Variants in SLC66A1 observed in about 807,000 individuals in gnomAD.
The protein encoded by SLC66A1 is solute carrier family 66 member 1.
A neutral mutation model predicts 33.0 loss-of-function variants in SLC66A1; 23 were observed. The observed-to-expected ratio is 0.70, with a 90% CI of 0.50 to 0.99. The LOEUF (loss-of-function observed/expected upper bound fraction) is 0.99, where lower values mean the gene tolerates loss of function less well. Ranked by LOEUF, SLC66A1 falls within the 50% of genes least tolerant of loss-of-function variation. The probability of loss-of-function intolerance (pLI) is 0.00; values close to 1 mark genes in which losing one functional copy is unlikely to be tolerated. For synonymous variants in SLC66A1, 164 were observed against 175.5 expected, an observed-to-expected ratio of 0.93 and a Z score of 0.52; for missense variants, 335 against 383.6, an observed-to-expected ratio of 0.87 and a Z score of 1.06.
chr1:19,313,182 ATCACTT>A lies in SLC66A1; in HGVS notation c.-79+294_-79+299del, dbSNP rs1558143079. 16 of 985,272 alleles carry A rather than the reference ATCACTT, an allele frequency of 1.6e-5. No homozygotes were observed. In the South Asian group the frequency reaches 7.0e-4, roughly 43 times the overall value. The allele number at this position is 985,272 out of a possible 1,614,324, so 61.0% of individuals were successfully genotyped here. A position where few individuals can be genotyped will look rare whatever the true frequency, so the allele number is the denominator to read the frequency against. On this transcript the variant is annotated intron_variant, in intron 1 of 7. Coordinates refer to ENST00000375153, the MANE Select transcript of SLC66A1 (RefSeq NM_001040125.2). ...TTTCAGATGAGAACTACGAAGCTCA[ATCACTT>A]GAGTTCCAGACTGGTAGGCATCGGG...
At chr1:19,316,175 C>T (rs1001235079) in intron 1 of SLC66A1, among the ~76,000 whole-genome samples, 8 of 152,152 alleles carry the variant, frequency 5.3e-5, no homozygotes, top group Non-Finnish European at 8.8e-5. Flanking sequence ...GTCATTGTGA[C>T]GGTGGGGAGG....
At chr1:19,321,786 C>T (rs1488264840) in intron 2 of SLC66A1, among the ~76,000 whole-genome samples, 4 of 150,304 alleles carry the variant, frequency 2.7e-5, no homozygotes, top group African/African-American at 1.0e-4. Flanking sequence ...AGGCTGGTCT[C>T]GAACTCGTGA....
intron 2 of SLC66A1, 46 bp downstream of exon 2, chr1:19,317,887 G>T (rs1287577750): frequency 1.3e-6 from 2 of 1,585,328 alleles, no homozygotes; most frequent in Non-Finnish European, 1.7e-6. Flanking sequence ...CTGTGGGGTT[G>T]AGGCAGTGGC....
At chr1:19,326,764 G>A (rs1248713766) in intron 6 of SLC66A1, 141 bp downstream of exon 6, 6 of 892,004 alleles carry the variant, frequency 6.7e-6, no homozygotes, top group Non-Finnish European at 1.0e-5. Context: ...GCTTGGGCAA[G>A]TTAATCCAAT....
At chr1:19,327,442 C>T (rs373442604) in intron 7 of SLC66A1, 30 bp downstream of exon 7, 19 of 1,568,416 alleles carry the variant, frequency 1.2e-5, no homozygotes, top group Non-Finnish European at 1.3e-5. Context: ...GGGCAGGTGG[C>T]GGGGTGTGGG....
At chr1:19,331,441 C>T (rs925603274), downstream of SLC66A1, among the ~76,000 whole-genome samples, 10 of 152,204 alleles carry the variant, frequency 6.6e-5, no homozygotes, top group Non-Finnish European at 1.2e-4. Context: ...ACCTGGCCAA[C>T]GCTGGCGGCC....
chr1:19,326,754 G>A, intron 6 of SLC66A1, 131 bp downstream of exon 6: 2 of 983,872 alleles, frequency 2.0e-6, no homozygotes, highest in Non-Finnish European at 3.0e-6. Flanking sequence ...CCCGCTGTTG[G>A]CTTGGGCAAG....
intron 4 of SLC66A1, 145 bp downstream of exon 4, chr1:19,325,727 C>A: frequency 1.4e-6 from 1 of 722,420 alleles, no homozygotes; most frequent in Non-Finnish European, 2.3e-6. Context: ...CGGGCCTTAT[C>A]TAAGAGCCTG....
At chr1:19,324,497 G>C (rs897856224) in intron 2 of SLC66A1, 136 bp from the exon 3 acceptor site, 1 of 1,097,548 alleles carries the variant, frequency 9.1e-7, no homozygotes, top group African/African-American at 1.6e-5. Context: ...CCGTGGGGAG[G>C]ATGGGCCGCC....
chr1:19,313,562 C>T (rs916551511), intron 1 of SLC66A1, among the ~76,000 whole-genome samples: 1 of 151,922 alleles, frequency 6.6e-6, no homozygotes, highest in Admixed American at 6.6e-5. Flanking sequence ...CCAGCCAGCT[C>T]TCATGGGGCA....
Position 19,324,695 on chromosome 1 carries a change from TG to T in SLC66A1, c.230del (p.Gly77AlafsTer35). The T allele has an allele frequency of 6.2e-7, 1 of 1,614,218 alleles. No homozygotes were observed. Among genetic ancestry groups the T allele is most frequent in the Non-Finnish European group, 8.5e-7 (1 of 1,180,022 alleles). ...MDQALSLWFL[L>X]GWIGGDSCNL... is the part of the protein sequence containing the mutation. ...CAGGCGCTGTCCCTGTGGTTCCTCC[TG>T]GGCTGGATTGGCGGAGACTCCTGCA... On this transcript the variant is annotated frameshift_variant, in exon 3 of 8. Transcript: ENST00000375153. LOFTEE classifies it high-confidence loss of function.
chr1:19,319,659 T>C (rs1325094369), intron 2 of SLC66A1, among the ~76,000 whole-genome samples: 1 of 145,552 alleles, frequency 6.9e-6, no homozygotes, highest in East Asian at 2.1e-4. Context: ...TGCTAGCACT[T>C]TGGGAGGCTA....
At chr1:19,325,401 G>C in intron 3 of SLC66A1, 94 bp from the exon 4 acceptor site, 1 of 831,666 alleles carries the variant, frequency 1.2e-6, no homozygotes, top group Non-Finnish European at 2.0e-6. Context: ...GACTTGGTCC[G>C]GGTCACCCAG....
chr1:19,333,570 C>A (rs1402257006), downstream of SLC66A1, among the ~76,000 whole-genome samples: 1 of 152,162 alleles, frequency 6.6e-6, no homozygotes, highest in Non-Finnish European at 1.5e-5. The surrounding 1 kb of genome is among the most constrained non-coding windows in gnomAD (Gnocchi z 4.2). Flanking sequence ...TGTGACTTGG[C>A]TTTCATCGGA....
chr1:19,314,680 A>G (rs1558144233), intron 1 of SLC66A1, among the ~76,000 whole-genome samples: 1 of 152,220 alleles, frequency 6.6e-6, no homozygotes, highest in African/African-American at 2.4e-5. Flanking sequence ...ATTCACTTCC[A>G]GGGCTGCTCA....
rs144436715 is a variant in SLC66A1 at position 19,325,887 on chromosome 1, G to A, written c.382+305G>A. On this transcript the variant is annotated intron_variant, in intron 4 of 7. Transcript: ENST00000375153. Reference sequence around the variant, plus strand: ...GCCCTGGGCTTGGAGCTGGGGAAACGAGGGCAAGTCACACAGGCTGCCTCT... The same window carrying A: ...GCCCTGGGCTTGGAGCTGGGGAAACAAGGGCAAGTCACACAGGCTGCCTCT... Among the ~76,000 whole-genome samples, 38 of 152,294 alleles carry A rather than the reference G, an allele frequency of 2.5e-4. 1 individual carries two copies. The highest frequency in any genetic ancestry group is 8.2e-4 in the African/African-American group (34 of 41,574).
chr1:19,333,621 G>C (rs553963520), downstream of SLC66A1, among the ~76,000 whole-genome samples: 322 of 152,262 alleles, frequency 2.1e-3, 4 homozygotes, highest in Middle Eastern at 0.014. This position sits in a 1 kb window ranked among gnomAD's most constrained non-coding sequence, Gnocchi z 4.2. Context: ...TGACAGCCAG[G>C]TGCAGAGCCT....
In SLC66A1 at chr1:19,317,733, T is replaced by G. The variant is rs1322888579; in HGVS notation, c.56T>G (p.Ile19Ser). The G allele has an allele frequency of 6.2e-7, 1 of 1,614,184 alleles. No individual in the cohort carries two copies. The highest frequency in any genetic ancestry group is 1.7e-5 in the Admixed American group (1 of 60,018). Residue 19 changes from isoleucine to serine, a missense_variant, in exon 2 of 8, where the codon ATC becomes AGC. Coordinates refer to ENST00000375153, the MANE Select transcript of SLC66A1 (RefSeq NM_001040125.2). ...RNFSSCPSGS[I>S]QWIWDVLGEC... ...TTCTCCAGCTGCCCCAGTGGCTCCATCCAGTGGATATGGGATGTGTTGGGT... is the reference window on the plus strand; with the variant it reads ...TTCTCCAGCTGCCCCAGTGGCTCCAGCCAGTGGATATGGGATGTGTTGGGT...
chr1:19,325,191 T>C (rs1039633920), intron 3 of SLC66A1, among the ~76,000 whole-genome samples: 21 of 152,208 alleles, frequency 1.4e-4, no homozygotes, highest in African/African-American at 4.3e-4. Context: ...ACTGCCCTGG[T>C]GTCAGGCCAA....
Sources: gnomAD v4.1 joint callset for allele counts (sites outside exome capture counted in the v4.1 genomes callset) on GRCh38, gnomAD v4.1.1 for gene constraint, Gnocchi (gnomAD v3.1) non-coding constraint, MANE v1.5 for transcripts, NCBI Gene and HGNC (gene_info 2026-07-23, HGNC 2026-07-21) for gene names.